Variants in STARD13 observed in about 807,000 individuals in gnomAD.
The protein encoded by STARD13 is StAR related lipid transfer domain containing 13.
A neutral mutation model predicts 106.4 loss-of-function variants in STARD13; 62 were observed. That is an observed-to-expected ratio of 0.58 (90% confidence interval 0.48 to 0.72). The LOEUF (loss-of-function observed/expected upper bound fraction) is 0.72. Among genes scored for constraint, STARD13 ranks in the 30% least tolerant of loss-of-function variants. The pLI, the probability that STARD13 is intolerant of heterozygous loss-of-function variation, is 0.00. For synonymous variants in STARD13, 565 were observed against 553.0 expected, an observed-to-expected ratio of 1.02 and a Z score of -0.31; for missense variants, 1,387 against 1,424.0, an observed-to-expected ratio of 0.97 and a Z score of 0.42.
the STARD13 span, among the ~76,000 whole-genome samples, chr13:33,527,104 T>C: frequency 6.6e-6 from 1 of 152,148 alleles, no homozygotes; most frequent in Admixed American, 6.6e-5. Context: ...TTCTATATTA[T>C]TTTAAATACA....
In STARD13 at chr13:33,106,830, T is replaced by A; in HGVS notation, c.3152A>T (p.Asp1051Val). ...LLGGVRAVVM[D>V]SQYLIEPCGS... Reference sequence around the variant, plus strand: ...ACACGGTTCTATCAAGTACTGCGAGTCCATCACCACTGCTCGCACACCACC... The same window carrying A: ...ACACGGTTCTATCAAGTACTGCGAGACCATCACCACTGCTCGCACACCACC... Residue 1051 changes from aspartate to valine, a missense_variant, in exon 13 of 14, where the codon GAC (aspartate) becomes GTC (valine). By Grantham distance (152) the Asp-to-Val change is radical. Coordinates refer to ENST00000336934, the MANE Select transcript of STARD13 (RefSeq NM_178006.4). The A allele has an allele frequency of 6.2e-7, 1 of 1,614,026 alleles. No individual in the cohort carries two copies. The highest frequency in any genetic ancestry group is 8.5e-7 in the Non-Finnish European group (1 of 1,179,990).
intron 3 of STARD13, among the ~76,000 whole-genome samples, chr13:33,142,860 TC>T (rs2138236871): frequency 6.6e-6 from 1 of 152,308 alleles, no homozygotes; most frequent in Non-Finnish European, 1.5e-5. Flanking sequence ...ACTATGCCGC[TC>T]CAGAACACAT....
the STARD13 span, among the ~76,000 whole-genome samples, chr13:33,542,073 A>C: frequency 6.6e-6 from 1 of 152,200 alleles, no homozygotes; most frequent in Admixed American, 6.5e-5. Flanking sequence ...CCTTAAGAGA[A>C]TCGCTTGCTA....
chr13:33,499,394 T>C, the STARD13 span, among the ~76,000 whole-genome samples: 1 of 152,188 alleles, frequency 6.6e-6, no homozygotes, highest in Admixed American at 6.5e-5. Context: ...GCCAATGTGG[T>C]TGGCCTCTGG....
At chr13:33,244,270 A>G (rs1219764910) in intron 1 of STARD13, among the ~76,000 whole-genome samples, 1 of 151,886 alleles carries the variant, frequency 6.6e-6, no homozygotes, top group Non-Finnish European at 1.5e-5. Flanking sequence ...GAGATAGGAA[A>G]CTAAAGCTTG....
At chr13:33,520,841 C>T in the STARD13 span, among the ~76,000 whole-genome samples, 4 of 152,086 alleles carry the variant, frequency 2.6e-5, no homozygotes, top group African/African-American at 9.7e-5. Context: ...TCCCATATTT[C>T]CATAGCTAAA....
At chr13:33,128,598 G>A (rs918394824) in intron 5 of STARD13, among the ~76,000 whole-genome samples, 5 of 152,088 alleles carry the variant, frequency 3.3e-5, no homozygotes, top group African/African-American at 4.8e-5. Context: ...GGGAAGAGTC[G>A]GTGCCTAGGA....
At chr13:33,440,767 ATTTTT>A in the STARD13 span, among the ~76,000 whole-genome samples, 1 of 60,100 alleles carries the variant, frequency 1.7e-5, no homozygotes, top group Non-Finnish European at 3.1e-5. Flanking sequence ...GAAAACAGCG[ATTTTT>A]TTTTTTTTTT....
chr13:33,614,496 G>A, the STARD13 span, among the ~76,000 whole-genome samples: 1 of 152,128 alleles, frequency 6.6e-6, no homozygotes, highest in East Asian at 1.9e-4. Flanking sequence ...CCACCCTTCC[G>A]CATGTCAGGG....
intron 8 of STARD13, among the ~76,000 whole-genome samples, chr13:33,116,588 C>T (rs1875402347): frequency 2.0e-5 from 3 of 152,220 alleles, no homozygotes; most frequent in Admixed American, 6.5e-5. Context: ...ACATTTATTT[C>T]TTGAAAGTAA....
the STARD13 span, among the ~76,000 whole-genome samples, chr13:33,578,033 C>T: frequency 2.0e-5 from 3 of 152,206 alleles, no homozygotes; most frequent in Middle Eastern, 6.8e-3. Flanking sequence ...ACATCCCTTG[C>T]TCATGGATTG....
In STARD13 at chr13:33,114,994, T is replaced by C. The variant is rs183753827; in HGVS notation, c.2282-2063A>G. On this transcript the variant is annotated intron_variant, in intron 8 of 13. Coordinates refer to ENST00000336934, the MANE Select transcript of STARD13 (RefSeq NM_178006.4). ...GGTCTGAATTTCTAAGTGTGGATAA[T>C]TTGCAATCATATGGGGGATCCTGGC... 2.2e-4 allele frequency among the ~76,000 whole-genome samples: 33 copies of C among 152,178 alleles called. No homozygotes were observed. In the East Asian group the frequency reaches 4.3e-3, roughly 20 times the overall value.
chr13:33,542,584 G>A, the STARD13 span, among the ~76,000 whole-genome samples: 1 of 152,208 alleles, frequency 6.6e-6, no homozygotes, highest in Non-Finnish European at 1.5e-5. Context: ...ACCAAGACGA[G>A]GCGCGCGCAC....
chr13:33,212,647 T>C (rs140360312), intron 1 of STARD13, among the ~76,000 whole-genome samples: 122 of 152,340 alleles, frequency 8.0e-4, no homozygotes, highest in African/African-American at 2.8e-3. Context: ...TCTCAGGTTC[T>C]CAGGCTACTA....
chr13:33,163,660 TATATATATAACATATATATAAAAC>T (rs1882960986), intron 3 of STARD13, among the ~76,000 whole-genome samples: 2 of 100,446 alleles, frequency 2.0e-5, no homozygotes, highest in African/African-American at 1.3e-4. Flanking sequence ...ATATAAAACA[TATATATATAACATATATATAAAAC>T]ATATATATAT....
Position 33,129,423 on chromosome 13 carries a change from T to C in STARD13, c.1254A>G (p.Thr418=), listed in dbSNP as rs141487450. ...TCCAATTAACCCCATTGCTACTATC[T>C]GTGGGAGAGAGGCTTTCAATAGAAA... ...KALSIESLSP[T]DSSNGVNWRT... The change falls in exon 5 of 14, where the codon ACA becomes ACG. Residue 418 remains threonine (T), a synonymous_variant. Transcript: ENST00000336934. 2.7e-5 allele frequency: 44 copies of C among 1,614,032 alleles called. No individual in the cohort carries two copies. The African/African-American group carries it at 5.7e-4, about 21-fold the overall frequency.
chr13:33,604,411 G>A, the STARD13 span, among the ~76,000 whole-genome samples: 1 of 152,148 alleles, frequency 6.6e-6, no homozygotes, highest in Admixed American at 6.5e-5. Flanking sequence ...AAGATCTTAG[G>A]AGAAACCAGA....
At chr13:33,318,541 A>T (rs893297489) in intron 1 of STARD13, among the ~76,000 whole-genome samples, 1 of 152,184 alleles carries the variant, frequency 6.6e-6, no homozygotes, top group East Asian at 1.9e-4. Flanking sequence ...CATGTAAAGC[A>T]ATAAGCAATC....
the STARD13 span, among the ~76,000 whole-genome samples, chr13:33,490,598 A>T: frequency 6.6e-6 from 1 of 152,054 alleles, no homozygotes; most frequent in Non-Finnish European, 1.5e-5. Flanking sequence ...CCAGGGGAAG[A>T]TACCTTCCCA....
Sources: allele counts gnomAD v4.1 joint callset (sites outside exome capture counted in the v4.1 genomes callset), GRCh38; gene constraint gnomAD v4.1.1; transcripts MANE v1.5; gene names NCBI Gene and HGNC (gene_info 2026-07-23, HGNC 2026-07-21).